Variants in LNX1 observed in about 807,000 individuals in gnomAD.
LNX1 encodes the protein ligand of numb-protein X 1, also known as E3 ubiquitin-protein ligase LNX.
In LNX1, 54 loss-of-function variants were observed where a neutral mutation model predicts 68.4. The ratio of observed to expected loss-of-function variants is 0.79; its 90% CI spans 0.63 to 0.99. The LOEUF is 0.99. Among genes scored for constraint, LNX1 ranks in the 50% least tolerant of loss-of-function variants. LNX1 has a pLI of 0.00. For synonymous variants in LNX1, 336 were observed against 350.0 expected (o/e 0.96, Z 0.45); for missense variants, 906 against 926.4 (o/e 0.98, Z 0.29).
intron 4 of LNX1, among the ~76,000 whole-genome samples, chr4:53,501,299 T>TTTTGGGGGGG (rs56165716): frequency 1.3e-4 from 5 of 38,814 alleles, no homozygotes; most frequent in Non-Finnish European, 2.8e-4. Flanking sequence ...TTTTTTTTTT[T>TTTTGGGGGGG]GGGGGTGGGG....
At chr4:53,532,891 TC>T (rs5858221) in intron 2 of LNX1, among the ~76,000 whole-genome samples, 10,937 of 152,240 alleles carry the variant, frequency 0.072, 550 homozygotes, top group Non-Finnish European at 0.11. Flanking sequence ...GCCAGCATCA[TC>T]TGTTCCAAAT....
intron 2 of LNX1, chr4:53,603,523 T>C (rs924365874): frequency 6.6e-6 from 1 of 152,226 alleles, no homozygotes; most frequent in African/African-American, 2.4e-5. Context: ...TTTAATTGCT[T>C]CATGATTCTG....
At chr4:53,475,314 A>T (rs1723491587) in intron 9 of LNX1, among the ~76,000 whole-genome samples, 1 of 152,160 alleles carries the variant, frequency 6.6e-6, no homozygotes, top group Admixed American at 6.5e-5. Flanking sequence ...TTAAAGTCAT[A>T]CTCTCTACTT....
chr4:53,632,340 A>T (rs1560701203), intron 1 of LNX1, among the ~76,000 whole-genome samples: 11 of 152,038 alleles, frequency 7.2e-5, no homozygotes, highest in Admixed American at 6.5e-4. Context: ...CCTTGCCCAG[A>T]CTCCCATCTC....
intron 9 of LNX1, among the ~76,000 whole-genome samples, chr4:53,473,005 AT>A (rs1208011546): frequency 6.6e-6 from 1 of 152,224 alleles, no homozygotes; most frequent in South Asian, 2.1e-4. Context: ...TGATTTTCAA[AT>A]TTTTTTGTGA....
chr4:53,635,129 C>T (rs1043455453), intron 1 of LNX1, among the ~76,000 whole-genome samples: 11 of 152,258 alleles, frequency 7.2e-5, no homozygotes, highest in Admixed American at 2.0e-4. Context: ...GGTGCCCAGC[C>T]CCTCTCTGCC....
At chr4:53,633,509 C>G (rs141809459) in intron 1 of LNX1, among the ~76,000 whole-genome samples, 1 of 152,074 alleles carries the variant, frequency 6.6e-6, no homozygotes, top group African/African-American at 2.4e-5. Flanking sequence ...ATCCTTGTTC[C>G]GTGGGCTATG....
chr4:53,567,982 T>G (rs918989764), intron 2 of LNX1, among the ~76,000 whole-genome samples: 3 of 151,984 alleles, frequency 2.0e-5, no homozygotes, highest in Admixed American at 1.3e-4. Context: ...AATAACAGGA[T>G]CTGAAATTGT....
intron 2 of LNX1, among the ~76,000 whole-genome samples, chr4:53,616,035 C>T (rs1733666232): frequency 6.6e-6 from 1 of 152,096 alleles, no homozygotes; most frequent in Non-Finnish European, 1.5e-5. Context: ...TTTGCCCTCC[C>T]TGCTCCTCAC....
At position 53,496,092 on chromosome 4, in the gene LNX1, G is replaced by T. The variant is rs768018905; in HGVS notation, c.1281C>A (p.Asp427Glu). The T allele has an allele frequency of 8.1e-6, 13 of 1,614,034 alleles. No homozygotes were observed. The highest frequency in any genetic ancestry group is 1.1e-5 in the Non-Finnish European group (13 of 1,180,042). ...AYRHGQLEEN[D>E]RVLAINGHDL... is the part of the protein sequence containing the mutation. ...CATGTCCATTGATGGCTAACACACG[G>T]TCATTCTCCTCAAGCTGACCATGTC... is the stretch of plus-strand genomic sequence containing the variant. Residue 427 changes from aspartate (D) to glutamate (E), a missense_variant, in exon 6 of 11, where the codon GAC becomes GAA. Coordinates refer to ENST00000263925, the MANE Select transcript of LNX1 (RefSeq NM_001126328.3).
At chr4:53,505,800 G>A (rs199698757) in intron 4 of LNX1, among the ~76,000 whole-genome samples, 1 of 152,194 alleles carries the variant, frequency 6.6e-6, no homozygotes, top group East Asian at 1.9e-4. Flanking sequence ...TAAAAAGGGG[G>A]CTGAGGGAGT....
At chr4:53,522,020 T>A (rs144777706) in intron 2 of LNX1, among the ~76,000 whole-genome samples, 4 of 152,264 alleles carry the variant, frequency 2.6e-5, no homozygotes, top group Non-Finnish European at 5.9e-5. Context: ...GTCTTGAATT[T>A]CTAGGCACAA....
At chr4:53,493,340 A>G (rs1387343499) in intron 6 of LNX1, among the ~76,000 whole-genome samples, 1 of 152,256 alleles carries the variant, frequency 6.6e-6, no homozygotes, top group Non-Finnish European at 1.5e-5. Flanking sequence ...CCTCTAGGGC[A>G]GATGAGCATC....
rs140168664 is a variant in LNX1 at position 53,534,911 on chromosome 4, G to A, written c.381-26684C>T. Among the ~76,000 whole-genome samples the A allele has an allele frequency of 2.6e-3, 399 of 152,314 alleles. 2 individuals are homozygous for A. The highest frequency in any genetic ancestry group is 9.0e-3 in the African/African-American group (374 of 41,570). On this transcript the variant is annotated intron_variant, in intron 2 of 10. Transcript: ENST00000263925. ...TCTTAACAGCCTTGTTGTAAAAATC[G>A]TTGAGTGAGGACCTGTAAAACAATT... is the stretch of plus-strand genomic sequence containing the variant.
At chr4:53,462,209 T>C (rs1369808354) in intron 9 of LNX1, among the ~76,000 whole-genome samples, 5 of 151,970 alleles carry the variant, frequency 3.3e-5, no homozygotes, top group Non-Finnish European at 4.4e-5. Flanking sequence ...TGCAGGAAAC[T>C]GGATAGGAAG....
chr4:53,560,945 G>A (rs1730242827), intron 2 of LNX1, among the ~76,000 whole-genome samples: 3 of 152,278 alleles, frequency 2.0e-5, no homozygotes, highest in South Asian at 4.1e-4. Flanking sequence ...CTTCCTTGCC[G>A]GTAAACAGCC....
chr4:53,525,737 A>C (rs1577661384), intron 2 of LNX1, among the ~76,000 whole-genome samples: 1 of 152,188 alleles, frequency 6.6e-6, no homozygotes, highest in Non-Finnish European at 1.5e-5. Flanking sequence ...TTCTTGGATC[A>C]ATGCTATGGT....
At chr4:53,634,474 G>C (rs1404032549) in intron 1 of LNX1, among the ~76,000 whole-genome samples, 8 of 152,130 alleles carry the variant, frequency 5.3e-5, no homozygotes, top group Non-Finnish European at 1.2e-4. Flanking sequence ...GAACTCCTGA[G>C]CTCAGGCAAT....
At chr4:53,597,534 C>T (rs749957514) in intron 2 of LNX1, among the ~76,000 whole-genome samples, 6 of 152,144 alleles carry the variant, frequency 3.9e-5, no homozygotes, top group African/African-American at 7.2e-5. Flanking sequence ...CCCTGGGAGT[C>T]CTTGACTGGT....
Sources: allele counts gnomAD v4.1 joint callset (sites outside exome capture counted in the v4.1 genomes callset), GRCh38; gene constraint gnomAD v4.1.1; transcripts MANE v1.5; gene names NCBI Gene and HGNC (gene_info 2026-07-23, HGNC 2026-07-21).